The following BAIAP2 variants were observed in gnomAD, a reference collection of about 807,000 sequenced individuals.
The protein encoded by BAIAP2 is BAR/IMD domain-containing adapter protein 2.
In BAIAP2, 18 loss-of-function variants were observed where a neutral mutation model predicts 63.0. The observed-to-expected ratio is 0.29, with a 90% CI of 0.20 to 0.42. The LOEUF (loss-of-function observed/expected upper bound fraction) is 0.42, where lower values mean the gene tolerates loss of function less well. Among genes scored for constraint, BAIAP2 ranks in the 10% least tolerant of loss-of-function variants. The pLI is 1.00. For missense variants in BAIAP2, 610 were observed against 734.3 expected, an observed-to-expected ratio of 0.83 and a Z score of 1.96; for synonymous variants, 386 against 307.6, an observed-to-expected ratio of 1.25 and a Z score of -2.67.
chr17:81,101,454 CAT>C (rs961840973), intron 7 of BAIAP2, among the ~76,000 whole-genome samples: 1 of 152,158 alleles, frequency 6.6e-6, no homozygotes, highest in Non-Finnish European at 1.5e-5. Context: ...GATGGGATCA[CAT>C]GTGTCCCCTG....
chr17:81,061,288 C>T (rs570867584), intron 3 of BAIAP2, among the ~76,000 whole-genome samples: 29 of 152,294 alleles, frequency 1.9e-4, no homozygotes, highest in Middle Eastern at 3.4e-3. Context: ...CTAAGGCAGA[C>T]GGTGTATTAT....
chr17:81,036,424 T>G (rs938049131), intron 1 of BAIAP2, among the ~76,000 whole-genome samples: 1 of 152,232 alleles, frequency 6.6e-6, no homozygotes, highest in Non-Finnish European at 1.5e-5. Flanking sequence ...TTTCTGATTG[T>G]GGTAGGCGGC....
chr17:81,106,984 C>G, intron 12 of BAIAP2, 77 bp downstream of exon 12: 1 of 1,436,858 alleles, frequency 7.0e-7, no homozygotes, highest in East Asian at 2.5e-5. Flanking sequence ...CCGTTGGAGC[C>G]TCCGCTGAGG....
chr17:81,098,420 GT>G (rs113631114), intron 6 of BAIAP2, among the ~76,000 whole-genome samples: 46,353 of 149,098 alleles, frequency 0.31, 7,322 homozygotes, highest in East Asian at 0.49. Context: ...TTCTTTTAAA[GT>G]TTTTTTTTTT....
chr17:81,059,054 C>T (rs1011781411), intron 3 of BAIAP2, among the ~76,000 whole-genome samples: 3 of 152,208 alleles, frequency 2.0e-5, no homozygotes, highest in African/African-American at 7.2e-5. Context: ...CCAGTTCACT[C>T]ACGACGTCCT....
At chr17:81,074,874 C>T (rs887406813) in intron 3 of BAIAP2, among the ~76,000 whole-genome samples, 9 of 152,216 alleles carry the variant, frequency 5.9e-5, no homozygotes, top group African/African-American at 4.8e-5. Context: ...CAAAGCACAC[C>T]GCCAGGGAAC....
intron 6 of BAIAP2, among the ~76,000 whole-genome samples, chr17:81,094,916 G>A (rs1276577773): frequency 6.6e-6 from 1 of 152,218 alleles, no homozygotes; most frequent in East Asian, 1.9e-4. Context: ...TAAAGAACGT[G>A]GGAAAGCTGC....
At chr17:81,089,615 G>A (rs1420477110) in intron 6 of BAIAP2, among the ~76,000 whole-genome samples, 3 of 151,776 alleles carry the variant, frequency 2.0e-5, no homozygotes, top group South Asian at 2.1e-4. Flanking sequence ...AGCCCCCCTC[G>A]TCCGCAGGAG....
intron 1 of BAIAP2, among the ~76,000 whole-genome samples, chr17:81,049,202 A>G (rs2048292445): frequency 6.6e-6 from 1 of 152,168 alleles, no homozygotes; most frequent in African/African-American, 2.4e-5. Context: ...GTGGTTGCTC[A>G]TGGTGTAGGA....
chr17:81,102,267 G>A (rs914829741), intron 7 of BAIAP2, among the ~76,000 whole-genome samples: 6 of 152,184 alleles, frequency 3.9e-5, no homozygotes, highest in African/African-American at 1.2e-4. Flanking sequence ...CTCAGGGTGC[G>A]GGGGTGACGC....
chr17:81,050,283 C>G (rs905760988), intron 1 of BAIAP2, among the ~76,000 whole-genome samples: 3 of 152,224 alleles, frequency 2.0e-5, no homozygotes. Context: ...GACAGCAGCA[C>G]TTGCGTGTCC....
At chr17:81,110,183 C>T in intron 13 of BAIAP2, 1 of 985,700 alleles carries the variant, frequency 1.0e-6, no homozygotes, top group South Asian at 4.7e-5. Flanking sequence ...TAAAAGCCTC[C>T]CACACACCTC....
intron 5 of BAIAP2, 138 bp downstream of exon 5, chr17:81,085,863 A>T: frequency 1.5e-6 from 1 of 684,492 alleles, no homozygotes. Flanking sequence ...CTCTGACTTT[A>T]TTGTCCATTT....
In BAIAP2 at chr17:81,046,917, G is replaced by A. The variant is rs1220139719; in HGVS notation, c.55-6751G>A. Among the ~76,000 whole-genome samples, 1 of 152,240 alleles carries A rather than the reference G, an allele frequency of 6.6e-6. No individual in the cohort carries two copies. Among genetic ancestry groups the A allele is most frequent in the Non-Finnish European group, 1.5e-5 (1 of 68,028 alleles). On this transcript the variant is annotated intron_variant, in intron 1 of 13. Transcript: ENST00000428708. The surrounding 1 kb of genome is among the most constrained non-coding windows in gnomAD (Gnocchi z 4.5). ...GGCTGTGGTGGCACAGCGGGCTGGG[G>A]GAAGCCCCTCTGGCACTGCCGGCCC...
Position 81,109,705 on chromosome 17 carries a change from G to A in BAIAP2, c.1535+1196G>A, listed in dbSNP as rs1015921136. Reference sequence around the variant, plus strand: ...GGGCCAGGTGTACATAGAGCAGCGCGGCACAGTGGCCTCACCTCCCGTCGG... The same window carrying A: ...GGGCCAGGTGTACATAGAGCAGCGCAGCACAGTGGCCTCACCTCCCGTCGG... On this transcript the variant is annotated intron_variant, in intron 13 of 13. Transcript: ENST00000428708. 26 of 985,314 alleles carry A rather than the reference G, an allele frequency of 2.6e-5. No individual in the cohort carries two copies. In the Admixed American group the frequency reaches 3.7e-4, roughly 14 times the overall value. The allele number at this position is 985,314 out of a possible 1,614,324, so 61.0% of individuals were successfully genotyped here. A position where few individuals can be genotyped will look rare whatever the true frequency, so the allele number is the denominator to read the frequency against.
intron 13 of BAIAP2, among the ~76,000 whole-genome samples, chr17:81,115,043 CCAAAG>C (rs2060362355): frequency 6.6e-6 from 1 of 152,230 alleles, no homozygotes; most frequent in Admixed American, 6.5e-5. Context: ...GGTGGGGACT[CCAAAG>C]AGAAAGGCTC....
chr17:81,109,605 C>T, intron 13 of BAIAP2: 5 of 985,320 alleles, frequency 5.1e-6, no homozygotes, highest in Non-Finnish European at 6.0e-6. Context: ...CTCGAGGGGC[C>T]TCCTGAGGAA....
At chr17:81,090,792 T>G (rs2056591455) in intron 6 of BAIAP2, among the ~76,000 whole-genome samples, 1 of 152,136 alleles carries the variant, frequency 6.6e-6, no homozygotes, top group Non-Finnish European at 1.5e-5. Flanking sequence ...TGTGGCTGCC[T>G]GGCTGGGATG....
chr17:81,035,302 C>T lies in BAIAP2; in HGVS notation c.48C>T (p.Val16=), dbSNP rs1242532317. ...SEEMHRLTEN[V]YKTIMEQFNP... ...AGATGCACCGGCTCACGGAAAATGT[C>T]TATAAGGTGAGCGCCCCCCGGCGCC... Residue 16 remains valine (V), a synonymous_variant, in exon 1 of 14, where the codon GTC becomes GTT. Transcript: ENST00000428708. 2 of 1,481,538 alleles carry T rather than the reference C, an allele frequency of 1.3e-6. No homozygotes were observed. The highest frequency in any genetic ancestry group is 1.8e-6 in the Non-Finnish European group (2 of 1,108,274). 91.8% of individuals were successfully genotyped at this position (1,481,538 alleles called of 1,614,324 possible). A position where few individuals can be genotyped will look rare whatever the true frequency, so the allele number is the denominator to read the frequency against.
Sources: gnomAD v4.1 joint callset for allele counts (sites outside exome capture counted in the v4.1 genomes callset) on GRCh38, gnomAD v4.1.1 for gene constraint, Gnocchi (gnomAD v3.1) non-coding constraint, MANE v1.5 for transcripts, NCBI Gene and HGNC (gene_info 2026-07-23, HGNC 2026-07-21) for gene names.